IFT74: variants seen among roughly 807,000 people sequenced by gnomAD.
The protein encoded by IFT74 is intraflagellar transport 74, also known as intraflagellar transport protein 74 homolog.
A neutral mutation model predicts 96.7 loss-of-function variants in IFT74; 92 were observed. That is an observed-to-expected ratio of 0.95 (90% CI 0.80 to 1.13). The LOEUF (loss-of-function observed/expected upper bound fraction) is 1.13. IFT74 is among the 50% of genes most tolerant of loss of function. The probability of loss-of-function intolerance (pLI) is 0.00; values close to 1 mark genes in which losing one functional copy is unlikely to be tolerated. For missense variants in IFT74, 811 were observed against 698.2 expected, an observed-to-expected ratio of 1.16 and a Z score of -1.82; for synonymous variants, 223 against 213.2, an observed-to-expected ratio of 1.05 and a Z score of -0.40.
At position 27,054,715 on chromosome 9, in the gene IFT74, A is replaced by C. The variant is rs1587423330; in HGVS notation, c.1334-894A>C. ...ACTCGTGAAAAATTTCAACAGCCTG[A>C]CATGCACATTGCCAACAGAAGTTGA... On this transcript the variant is annotated intron_variant, in intron 16 of 19. Coordinates refer to ENST00000380062, the MANE Select transcript of IFT74 (RefSeq NM_025103.4). Among the ~76,000 whole-genome samples, 3 of 152,178 alleles carry C rather than the reference A, an allele frequency of 2.0e-5. No individual in the cohort carries two copies. The East Asian group carries it at 5.8e-4, about 29-fold the overall frequency.
At chr9:26,999,167 G>A (rs1188795645) in intron 8 of IFT74, among the ~76,000 whole-genome samples, 1 of 152,106 alleles carries the variant, frequency 6.6e-6, no homozygotes, top group Admixed American at 6.6e-5. Context: ...TCTTTATGTG[G>A]ATATAGATGG....
Position 27,029,082 on chromosome 9 carries a change from C to T in IFT74, c.1032C>T (p.Asp344=), listed in dbSNP as rs376870332. ...TTATTGAAGAAATTAGACAACTTGA[C>T]ATGGATTTAGAGGAACACCAAGGTA... ...NQFIEEIRQL[D]MDLEEHQGEM... is the part of the protein sequence containing the mutation. Residue 344 remains aspartate (D), a synonymous_variant, in exon 13 of 20, where the codon GAC becomes GAT. Coordinates refer to ENST00000380062, the MANE Select transcript of IFT74 (RefSeq NM_025103.4). 2.4e-5 allele frequency: 38 copies of T among 1,601,956 alleles called. No individual in the cohort carries two copies. Among genetic ancestry groups the T allele is most frequent in the African/African-American group, 4.0e-5 (3 of 74,408 alleles).
chr9:26,988,344 G>A lies in IFT74; in HGVS notation c.466-325G>A, dbSNP rs544808525. Among the ~76,000 whole-genome samples the A allele has an allele frequency of 3.8e-4, 58 of 152,140 alleles. No homozygotes were observed. The Middle Eastern group carries it at 0.014, about 36-fold the overall frequency. Reference sequence around the variant, plus strand: ...GGTGATAGATCTTTCCAAAACTCTCGTCTGTTCCAAACCCTTATTTATAAG... The same window carrying A: ...GGTGATAGATCTTTCCAAAACTCTCATCTGTTCCAAACCCTTATTTATAAG... On this transcript the variant is annotated intron_variant, in intron 6 of 19. Coordinates refer to ENST00000380062, the MANE Select transcript of IFT74 (RefSeq NM_025103.4).
intron 8 of IFT74, among the ~76,000 whole-genome samples, chr9:26,991,617 C>A (rs1219744948): frequency 1.3e-5 from 2 of 152,058 alleles, no homozygotes; most frequent in African/African-American, 4.8e-5. Context: ...TTCATGGTAA[C>A]CACGCTCTTA....
At chr9:27,022,750 C>G (rs1274525785) in intron 12 of IFT74, among the ~76,000 whole-genome samples, 2 of 151,362 alleles carry the variant, frequency 1.3e-5, no homozygotes, top group African/African-American at 2.4e-5. Context: ...TCAAGCAATT[C>G]TTCTGCCTCA....
At chr9:26,984,628 A>T in intron 6 of IFT74, 69 bp downstream of exon 6, 1 of 1,217,408 alleles carries the variant, frequency 8.2e-7, no homozygotes, top group South Asian at 1.3e-5. Context: ...CTTTAAAAAT[A>T]CATTAGTAGG....
chr9:27,056,552 C>A, intron 18 of IFT74, 93 bp downstream of exon 18: 1 of 1,103,740 alleles, frequency 9.1e-7, no homozygotes, highest in Non-Finnish European at 1.3e-6. Flanking sequence ...GCTTTATATA[C>A]CTTCTAGATT....
upstream of IFT74, among the ~76,000 whole-genome samples, chr9:26,955,368 T>C (rs1189054150): frequency 1.3e-5 from 2 of 152,168 alleles, no homozygotes; most frequent in Admixed American, 6.5e-5. Flanking sequence ...ACAGACTCTC[T>C]GAAGTCCTGC....
At chr9:27,001,518 T>G (rs1235534485) in intron 8 of IFT74, among the ~76,000 whole-genome samples, 1 of 152,212 alleles carries the variant, frequency 6.6e-6, no homozygotes, top group Non-Finnish European at 1.5e-5. Context: ...GGTGAGATTA[T>G]ATATCATTGT....
At chr9:26,991,712 C>G (rs1303200335) in intron 8 of IFT74, among the ~76,000 whole-genome samples, 4 of 151,808 alleles carry the variant, frequency 2.6e-5, no homozygotes, top group Non-Finnish European at 5.9e-5. Flanking sequence ...AAGATACTCT[C>G]TTAGGTACTT....
intron 16 of IFT74, among the ~76,000 whole-genome samples, chr9:27,050,022 C>A (rs1414797046): frequency 6.6e-6 from 1 of 152,054 alleles, no homozygotes; most frequent in Non-Finnish European, 1.5e-5. Context: ...ATTTTATCTT[C>A]ACGACATTTC....
At chr9:27,032,965 C>G (rs1830193082) in intron 13 of IFT74, among the ~76,000 whole-genome samples, 2 of 151,928 alleles carry the variant, frequency 1.3e-5, no homozygotes. Flanking sequence ...ATGAATCTGG[C>G]ATGTATTTAA....
intron 3 of IFT74, among the ~76,000 whole-genome samples, chr9:26,978,741 A>G (rs1228887006): frequency 3.3e-5 from 5 of 152,172 alleles, no homozygotes. Context: ...ATGAGAAGTG[A>G]GTCAAGAAAT....
chr9:26,967,466 A>T (rs191697152), intron 2 of IFT74, among the ~76,000 whole-genome samples: 1 of 152,090 alleles, frequency 6.6e-6, no homozygotes, highest in African/African-American at 2.4e-5. Flanking sequence ...TGAATTTACT[A>T]TTTATCAGTT....
chr9:26,968,566 C>G (rs867096937), intron 2 of IFT74, among the ~76,000 whole-genome samples: 1 of 152,120 alleles, frequency 6.6e-6, no homozygotes, highest in Non-Finnish European at 1.5e-5. Context: ...AGCCGGGACA[C>G]TTTTTATTAT....
At chr9:27,056,225 C>T (rs1820151014) in intron 17 of IFT74, 109 bp from the exon 18 acceptor site, 4 of 837,298 alleles carry the variant, frequency 4.8e-6, no homozygotes, top group Admixed American at 2.7e-5. Context: ...TAGTTATAGC[C>T]TTGATATAAT....
At chr9:27,005,357 CCCCG>C (rs1828717535) in intron 8 of IFT74, among the ~76,000 whole-genome samples, 1 of 47,734 alleles carries the variant, frequency 2.1e-5, no homozygotes, top group Admixed American at 2.4e-4. Flanking sequence ...CCATTTCCCC[CCCCG>C]CCCCCCGCAA....
Position 27,062,766 on chromosome 9 carries a change from G to C in IFT74, c.*30G>C. On this transcript the variant is annotated 3_prime_UTR_variant, in exon 20 of 20. Transcript: ENST00000380062. ...AAGTCCACTGAAAGTCTCTAAGGAA[G>C]TATCCTCTTGCTGCTAAACTTGGTA... is the stretch of plus-strand genomic sequence containing the variant. 8.9e-7 allele frequency: 1 copy of C among 1,127,972 alleles called. No homozygotes were observed. Among genetic ancestry groups the C allele is most frequent in the Non-Finnish European group, 1.3e-6 (1 of 764,984 alleles). The allele number at this position is 1,127,972 out of a possible 1,614,324, so 69.9% of individuals were successfully genotyped here.
chr9:27,062,757 T>G lies in IFT74; in HGVS notation c.*21T>G. On this transcript the variant is annotated 3_prime_UTR_variant, in exon 20 of 20. Coordinates refer to ENST00000380062, the MANE Select transcript of IFT74 (RefSeq NM_025103.4). ...ACTGAGTTTAAGTCCACTGAAAGTC[T>G]CTAAGGAAGTATCCTCTTGCTGCTA... 8.0e-7 allele frequency: 1 copy of G among 1,244,352 alleles called. No individual in the cohort carries two copies. Among genetic ancestry groups the G allele is most frequent in the South Asian group, 1.3e-5 (1 of 76,186 alleles). The allele number at this position is 1,244,352 out of a possible 1,614,324, so 77.1% of individuals were successfully genotyped here.
Sources: gnomAD v4.1 joint callset for allele counts (sites outside exome capture counted in the v4.1 genomes callset) on GRCh38, gnomAD v4.1.1 for gene constraint, MANE v1.5 for transcripts, NCBI Gene and HGNC (gene_info 2026-07-23, HGNC 2026-07-21) for gene names.